Variants in ADGRD2 observed in about 807,000 individuals in gnomAD.
ADGRD2 encodes adhesion G protein-coupled receptor D2, also known as G protein-coupled receptor PGR24.
In ADGRD2, 71 loss-of-function variants were observed where a neutral mutation model predicts 44.4. The ratio of observed to expected loss-of-function variants is 1.60; its 90% CI spans 1.32 to 1.95. The LOEUF (loss-of-function observed/expected upper bound fraction) is 1.95. ADGRD2 is among the 30% of genes most tolerant of loss of function. The pLI, the probability that ADGRD2 is intolerant of heterozygous loss-of-function variation, is 0.00. For synonymous variants in ADGRD2, 481 were observed against 224.8 expected, an observed-to-expected ratio of 2.14 and a Z score of -10.19; for missense variants, 1,039 against 512.4, an observed-to-expected ratio of 2.03 and a Z score of -9.92.
intron 17 of ADGRD2, among the ~76,000 whole-genome samples, chr9:124,471,886 G>C (rs1161220497): frequency 6.6e-6 from 1 of 152,224 alleles, no homozygotes; most frequent in Non-Finnish European, 1.5e-5. Flanking sequence ...TGTTCAGTGA[G>C]GGGACGAGGC....
chr9:124,463,170 C>G (rs1312799508), intron 10 of ADGRD2, among the ~76,000 whole-genome samples: 1 of 152,132 alleles, frequency 6.6e-6, no homozygotes, highest in East Asian at 1.9e-4. Context: ...CCCTTCTCTT[C>G]CTGGTTTGCT....
intron 10 of ADGRD2, among the ~76,000 whole-genome samples, 199 bp downstream of exon 13, chr9:124,458,920 A>G (rs1831671508): frequency 6.6e-6 from 1 of 152,244 alleles, no homozygotes; most frequent in Non-Finnish European, 1.5e-5. Flanking sequence ...CAGGTGCCAC[A>G]GATACGCAGC....
chr9:124,454,539 C>G lies in ADGRD2; in HGVS notation c.1080C>G (p.Ser360Arg), dbSNP rs1291864136. The change falls in exon 5 of 22, where the codon AGC becomes AGG. Residue 360 changes from serine to arginine, a missense_variant. By Grantham distance (110) the Ser-to-Arg change is moderately radical. Transcript: ENST00000334810. The surrounding 1 kb of genome is among the most constrained non-coding windows in gnomAD (Gnocchi z 4.5). ...CGTGGCCTGGCCAGGATGTTATCAG[C>G]CGAGTCAATGCCTTGGCCAACGACA... 2 of 717,188 alleles carry G rather than the reference C, an allele frequency of 2.8e-6. No homozygotes were observed. Among genetic ancestry groups the G allele is most frequent in the Non-Finnish European group, 5.2e-6 (2 of 384,280 alleles). The allele number at this position is 717,188 out of a possible 1,614,324, so 44.4% of individuals were successfully genotyped here. A position where few individuals can be genotyped will look rare whatever the true frequency, so the allele number is the denominator to read the frequency against.
chr9:124,477,955 C>G (rs2131265422), intron 21 of ADGRD2, among the ~76,000 whole-genome samples: 1 of 152,232 alleles, frequency 6.6e-6, no homozygotes, highest in East Asian at 1.9e-4. Flanking sequence ...CTGGGCCCCA[C>G]CCTCCGGACC....
At chr9:124,453,317 G>T (rs1439964179) in exon 3 of ADGRD2, 3 of 485,290 alleles carry the variant, frequency 6.2e-6, no homozygotes, top group African/African-American at 4.1e-5. Context: ...GCCGACGGCC[G>T]CTGGCACCAT....
chr9:124,468,143 T>A (rs1467366332), exon 13 of ADGRD2: 1 of 718,594 alleles, frequency 1.4e-6, no homozygotes, highest in East Asian at 2.7e-5. Context: ...CTCCCTGGCC[T>A]CTGCCGAGGG....
chr9:124,467,771 T>C lies in ADGRD2; in HGVS notation c.2079T>C (p.Cys693=), dbSNP rs774667487. The C allele has an allele frequency of 4.7e-5, 34 of 718,520 alleles. No homozygotes were observed. The Middle Eastern group carries it at 6.9e-4, about 15-fold the overall frequency. The allele number at this position is 718,520 out of a possible 1,614,324, so 44.5% of individuals were successfully genotyped here. ...TGAGGACTCTGTCATTTGTGGGCTG[T>C]GGCGTGTCCTTCTGCGCCCTCACCA... The change falls in exon 12 of 22, where the codon TGT becomes TGC. Residue 693 remains cysteine (C), a synonymous_variant. Coordinates refer to ENST00000334810, the Ensembl canonical transcript of ADGRD2.
chr9:124,468,978 C>A (rs1314760147), intron 14 of ADGRD2, among the ~76,000 whole-genome samples: 1 of 152,210 alleles, frequency 6.6e-6, no homozygotes, highest in Non-Finnish European at 1.5e-5. Context: ...GTTGCCCAGC[C>A]TCCGTCTCCA....
At chr9:124,468,769 C>T (rs1831882696) in intron 14 of ADGRD2, 97 bp downstream of exon 17, 1 of 631,218 alleles carries the variant, frequency 1.6e-6, no homozygotes, top group African/African-American at 1.8e-5. Flanking sequence ...GCACTCAGCA[C>T]CCAGCACCAC....
upstream of ADGRD2, chr9:124,451,846 C>G (rs974469854): frequency 7.6e-6 from 4 of 529,220 alleles, no homozygotes; most frequent in East Asian, 6.6e-5. Context: ...AATAAAAGCA[C>G]TCACTAAGGG....
chr9:124,475,132 C>T (rs1009901786), intron 17 of ADGRD2, among the ~76,000 whole-genome samples: 1 of 152,238 alleles, frequency 6.6e-6, no homozygotes, highest in Admixed American at 6.5e-5. Context: ...CATAGCATGG[C>T]GAGGCGGTGA....
At chr9:124,465,999 G>C (rs549320799) in intron 10 of ADGRD2, 1 of 304,346 alleles carries the variant, frequency 3.3e-6, no homozygotes, top group Admixed American at 5.0e-5. Flanking sequence ...TTTAGCTGAG[G>C]TAGGGAACCT....
chr9:124,464,312 T>C (rs1490636565), intron 10 of ADGRD2, among the ~76,000 whole-genome samples: 1 of 152,230 alleles, frequency 6.6e-6, no homozygotes. Context: ...TGCATTTTAC[T>C]TAAGCTGTTT....
At chr9:124,453,536 G>A in exon 3 of ADGRD2, 1 of 697,474 alleles carries the variant, frequency 1.4e-6, no homozygotes. Context: ...CTGTGGGCGC[G>A]GGCGCTGAGC....
rs903555161 is a variant in ADGRD2, at chr9:124,462,231, AT to A, written c.1870+3520del. ...ACAGGCGATCTACCATGCCTGGCTAATTTTTTTTTTCTCTTTTTGTAGAGAC... is the reference window on the plus strand; with the variant it reads ...ACAGGCGATCTACCATGCCTGGCTAATTTTTTTTTCTCTTTTTGTAGAGAC... On this transcript the variant is annotated intron_variant, in intron 10 of 21. Transcript: ENST00000334810. Among the ~76,000 whole-genome samples, 373 of 142,932 alleles carry A rather than the reference AT, an allele frequency of 2.6e-3. 1 individual carries two copies. The highest frequency in any genetic ancestry group is 8.9e-3 in the African/African-American group (342 of 38,410). The allele number at this position is 142,932 out of a possible 152,430, so 93.8% of individuals were successfully genotyped here. A position where few individuals can be genotyped will look rare whatever the true frequency, so the allele number is the denominator to read the frequency against.
At chr9:124,476,087 T>C (rs1832044876) in intron 19 of ADGRD2, among the ~76,000 whole-genome samples, 1 of 152,090 alleles carries the variant, frequency 6.6e-6, no homozygotes, top group African/African-American at 2.4e-5. Context: ...CTCCTGCAGA[T>C]GGTGAGTAAA....
rs537663713 is a variant in ADGRD2, at chr9:124,475,505, G to C, written c.2800+18G>C. ...ATGAGGAGGTGAGTCTGGGGGTGCC[G>C]GCTGCAGGGAGAGGGGTCCAAGGGG... On this transcript the variant is annotated intron_variant, in intron 18 of 21. Transcript: ENST00000334810. The C allele has an allele frequency of 8.4e-6, 6 of 714,914 alleles. No individual in the cohort carries two copies. Among genetic ancestry groups the C allele is most frequent in the Admixed American group, 4.0e-5 (2 of 49,518 alleles). The allele number at this position is 714,914 out of a possible 1,614,324, so 44.3% of individuals were successfully genotyped here. A position where few individuals can be genotyped will look rare whatever the true frequency, so the allele number is the denominator to read the frequency against.
At chr9:124,457,323 C>T (rs1221928212) in intron 7 of ADGRD2, 149 bp from the exon 11 acceptor site, 1 of 435,270 alleles carries the variant, frequency 2.3e-6, no homozygotes, top group Non-Finnish European at 4.1e-6. Context: ...GTCAGATTTG[C>T]CTTGGGCAAG....
At chr9:124,467,669 C>A in intron 11 of ADGRD2, 52 bp from the exon 15 acceptor site, 2 of 713,756 alleles carry the variant, frequency 2.8e-6, no homozygotes, top group Non-Finnish European at 5.2e-6. Context: ...CGAGTTCTGG[C>A]CTGGGTTGGG....
Sources: allele counts gnomAD v4.1 joint callset (sites outside exome capture counted in the v4.1 genomes callset), GRCh38; gene constraint gnomAD v4.1.1; non-coding constraint Gnocchi (gnomAD v3.1); transcripts MANE v1.5; gene names NCBI Gene and HGNC (gene_info 2026-07-23, HGNC 2026-07-21).